DHX36: variants seen among roughly 807,000 people sequenced by gnomAD.
The protein encoded by DHX36 is ATP-dependent DNA/RNA helicase DHX36.
Under a neutral mutation model 139.0 loss-of-function variants are expected in DHX36, and 50 were observed. That is an observed-to-expected ratio of 0.36 (90% CI 0.29 to 0.46). The LOEUF (loss-of-function observed/expected upper bound fraction) is 0.46, where lower values mean the gene tolerates loss of function less well. DHX36 is among the 20% of genes least tolerant of loss of function. The pLI is 1.00. For missense variants in DHX36, 1,024 were observed against 1,211.3 expected (o/e 0.85, Z 2.29); for synonymous variants, 425 against 401.9 (o/e 1.06, Z -0.69).
chr3:154,319,793 T>C (rs1423263329), intron 1 of DHX36, among the ~76,000 whole-genome samples: 1 of 152,192 alleles, frequency 6.6e-6, no homozygotes, highest in Admixed American at 6.5e-5. Flanking sequence ...TTGGCCCACT[T>C]TGATTTGCCC....
At chr3:154,305,754 G>A (rs1712476264) in intron 6 of DHX36, among the ~76,000 whole-genome samples, 1 of 152,192 alleles carries the variant, frequency 6.6e-6, no homozygotes, top group Non-Finnish European at 1.5e-5. Context: ...AACAGAGTGA[G>A]AACCTATCTC....
Position 154,276,880 on chromosome 3 carries a change from G to A in DHX36, c.2708C>T (p.Thr903Ile). ...CAAGAGACAGTATGGGGAAACCTCT[G>A]TGCAGTCATACAAGTATATCTGTAA... is the stretch of plus-strand genomic sequence containing the variant. Reference protein sequence around the residue: ...RTSSIYLYDCTEVSPYCLLFF... With the variant: ...RTSSIYLYDCIEVSPYCLLFF... Residue 903 changes from threonine (T) to isoleucine (I), a missense_variant, in exon 24 of 25, where the codon ACA becomes ATA. By Grantham distance (89) the Thr-to-Ile change is moderately conservative. Coordinates refer to ENST00000496811, the MANE Select transcript of DHX36 (RefSeq NM_020865.3). The A allele has an allele frequency of 6.2e-7, 1 of 1,613,190 alleles. No individual in the cohort carries two copies. The highest frequency in any genetic ancestry group is 8.5e-7 in the Non-Finnish European group (1 of 1,179,704).
In DHX36 at chr3:154,276,073, A is replaced by G; in HGVS notation, c.*98T>C. On this transcript the variant is annotated 3_prime_UTR_variant, in exon 25 of 25. Coordinates refer to ENST00000496811, the MANE Select transcript of DHX36 (RefSeq NM_020865.3). ...CTGAAGGCTTCTACCTTACACATGAAAATTGTTCATGTCCCAGGGTTTGGC... is the reference window on the plus strand; with the variant it reads ...CTGAAGGCTTCTACCTTACACATGAGAATTGTTCATGTCCCAGGGTTTGGC... The G allele has an allele frequency of 8.2e-7, 1 of 1,215,826 alleles. No individual in the cohort carries two copies. Among genetic ancestry groups the G allele is most frequent in the Non-Finnish European group, 1.2e-6 (1 of 864,782 alleles). The allele number at this position is 1,215,826 out of a possible 1,614,324, so 75.3% of individuals were successfully genotyped here.
At chr3:154,304,136 T>A (rs1481304524) in intron 8 of DHX36, among the ~76,000 whole-genome samples, 1 of 152,222 alleles carries the variant, frequency 6.6e-6, no homozygotes, top group Non-Finnish European at 1.5e-5. Flanking sequence ...GGGATGTATT[T>A]TAAAGGACTT....
intron 6 of DHX36, among the ~76,000 whole-genome samples, chr3:154,305,790 A>G (rs1712478752): frequency 6.6e-6 from 1 of 152,188 alleles, no homozygotes; most frequent in South Asian, 2.1e-4. Flanking sequence ...AAATTAAAAC[A>G]TAAAAAGGCA....
chr3:154,297,280 T>C lies in DHX36; in HGVS notation c.1550-1941A>G, dbSNP rs541948005. On this transcript the variant is annotated intron_variant, in intron 12 of 24. Coordinates refer to ENST00000496811, the MANE Select transcript of DHX36 (RefSeq NM_020865.3). Reference sequence around the variant, plus strand: ...TTAAGGATTAGGTATGATAAAGACATGATGGTTATATAGAAAATTGCCTTT... The same window carrying C: ...TTAAGGATTAGGTATGATAAAGACACGATGGTTATATAGAAAATTGCCTTT... 3.9e-5 allele frequency among the ~76,000 whole-genome samples: 6 copies of C among 152,298 alleles called. No homozygotes were observed. The East Asian group carries it at 1.2e-3, about 29-fold the overall frequency.
chr3:154,320,361 C>T (rs1713143438), intron 1 of DHX36, among the ~76,000 whole-genome samples: 1 of 152,152 alleles, frequency 6.6e-6, no homozygotes, highest in Non-Finnish European at 1.5e-5. Context: ...TCTGATCCCA[C>T]CAGTGTCCTA....
chr3:154,290,914 C>T (rs1711775106), intron 15 of DHX36, among the ~76,000 whole-genome samples: 1 of 151,106 alleles, frequency 6.6e-6, no homozygotes, highest in South Asian at 2.1e-4. Context: ...GCGGGCGGAT[C>T]ACGAGGTCAG....
chr3:154,303,202 G>A, intron 9 of DHX36, 127 bp downstream of exon 9: 6 of 664,492 alleles, frequency 9.0e-6, no homozygotes, highest in Non-Finnish European at 1.5e-5. Context: ...AGCCAAGTGT[G>A]GCTAATTCCC....
intron 15 of DHX36, among the ~76,000 whole-genome samples, chr3:154,290,263 T>G (rs1711736211): frequency 1.3e-5 from 2 of 152,016 alleles, no homozygotes; most frequent in South Asian, 4.1e-4. Context: ...ATTTAGTGAG[T>G]TTTCAGAGGG....
At chr3:154,308,930 G>A (rs1712620073) in intron 5 of DHX36, among the ~76,000 whole-genome samples, 1 of 152,112 alleles carries the variant, frequency 6.6e-6, no homozygotes, top group African/African-American at 2.4e-5. Context: ...ACTTATGCCT[G>A]TAATCCCAGC....
chr3:154,321,926 CAAAAA>C (rs36004138), intron 1 of DHX36, among the ~76,000 whole-genome samples: 1 of 111,918 alleles, frequency 8.9e-6, no homozygotes, highest in African/African-American at 3.3e-5. Context: ...GACTCCAACT[CAAAAA>C]AAAAAAAAAA....
At chr3:154,286,821 A>G (rs1246686392) in intron 17 of DHX36, among the ~76,000 whole-genome samples, 1 of 149,378 alleles carries the variant, frequency 6.7e-6, no homozygotes, top group Non-Finnish European at 1.5e-5. Flanking sequence ...TACTATTATT[A>G]TTTTTTTTTT....
Position 154,274,289 on chromosome 3 carries a change from C to T in DHX36, c.*1882G>A. 1 of 171,222 alleles carries T rather than the reference C, an allele frequency of 5.8e-6. No homozygotes were observed. Among genetic ancestry groups the T allele is most frequent in the East Asian group, 1.7e-4 (1 of 5,778 alleles). The allele number at this position is 171,222 out of a possible 1,614,324, so 10.6% of individuals were successfully genotyped here. A position where few individuals can be genotyped will look rare whatever the true frequency, so the allele number is the denominator to read the frequency against. On this transcript the variant is annotated 3_prime_UTR_variant, in exon 25 of 25. Coordinates refer to ENST00000496811, the MANE Select transcript of DHX36 (RefSeq NM_020865.3). ...CACCACTGCACTCCAGCCTGGGTGA[C>T]AGGGCAAGACACTGTCTCCAAAAAA...
At chr3:154,280,713 C>T (rs777828802) in intron 21 of DHX36, 44 bp from the exon 22 acceptor site, 5 of 1,603,544 alleles carry the variant, frequency 3.1e-6, no homozygotes, top group Non-Finnish European at 4.3e-6. Flanking sequence ...AAGTAAAATA[C>T]TGATACAATA....
At chr3:154,276,457 G>T (rs373545859) in intron 24 of DHX36, 101 bp from the exon 25 acceptor site, 2 of 1,141,106 alleles carry the variant, frequency 1.8e-6, no homozygotes, top group Non-Finnish European at 1.2e-6. Flanking sequence ...TTTCACAAGC[G>T]ATGGCTCAAA....
chr3:154,286,052 C>T (rs919124847), intron 17 of DHX36, among the ~76,000 whole-genome samples: 1 of 150,000 alleles, frequency 6.7e-6, no homozygotes, highest in Admixed American at 6.7e-5. Flanking sequence ...CATGAACCAA[C>T]TAAAATAGTC....
At chr3:154,316,016 T>C (rs562829364) in intron 2 of DHX36, 23 bp downstream of exon 2, 1 of 1,604,878 alleles carries the variant, frequency 6.2e-7, no homozygotes, top group East Asian at 2.2e-5. Flanking sequence ...GCCTATTCTT[T>C]AAAAAAATAT....
At chr3:154,317,152 G>A (rs1222254855) in intron 1 of DHX36, among the ~76,000 whole-genome samples, 1 of 152,008 alleles carries the variant, frequency 6.6e-6, no homozygotes, top group Admixed American at 6.6e-5. Flanking sequence ...AAATTCAAGG[G>A]TGGATCCTGA....
Sources: gnomAD v4.1 joint callset for allele counts (sites outside exome capture counted in the v4.1 genomes callset) on GRCh38, gnomAD v4.1.1 for gene constraint, MANE v1.5 for transcripts, NCBI Gene and HGNC (gene_info 2026-07-23, HGNC 2026-07-21) for gene names.